SYNE2: variants seen among roughly 807,000 people sequenced by gnomAD.
SYNE2 encodes the protein spectrin repeat containing nuclear envelope protein 2, also known as nesprin-2.
Under a neutral mutation model 856.3 loss-of-function variants are expected in SYNE2, and 431 were observed. The ratio of observed to expected loss-of-function variants is 0.50; its 90% CI spans 0.47 to 0.55. The LOEUF is 0.55. SYNE2 is among the 20% of genes least tolerant of loss of function. The probability of loss-of-function intolerance (pLI) is 0.00; values close to 1 mark genes in which losing one functional copy is unlikely to be tolerated. For synonymous variants in SYNE2, 2,923 were observed against 2,872.3 expected, an observed-to-expected ratio of 1.02 and a Z score of -0.56; for missense variants, 8,129 against 8,023.2, an observed-to-expected ratio of 1.01 and a Z score of -0.50.
Position 64,158,775 on chromosome 14 carries a change from T to C in SYNE2, c.15943T>C (p.Cys5315Arg). 6.2e-7 allele frequency: 1 copy of C among 1,613,958 alleles called. No homozygotes were observed. The highest frequency in any genetic ancestry group is 8.5e-7 in the Non-Finnish European group (1 of 1,179,866). ...PVVLSLETLR[C>R]QVENLQSLQD... ...GGTGTTATCATTGGAGACCTTGAGA[T>C]GCCAGGTGGAGAACCTTCAGGTAAA... The change falls in exon 86 of 116, where the codon TGC becomes CGC. Residue 5315 changes from cysteine to arginine, a missense_variant. Coordinates refer to ENST00000555002, the MANE Select transcript of SYNE2 (RefSeq NM_182914.3).
At chr14:64,216,659 C>T (rs1455976079) in intron 108 of SYNE2, among the ~76,000 whole-genome samples, 1 of 152,196 alleles carries the variant, frequency 6.6e-6, no homozygotes, top group Non-Finnish European at 1.5e-5. Context: ...AGTCAGGTGT[C>T]TGTGCAAATA....
At chr14:63,968,621 T>C (rs537061163) in intron 11 of SYNE2, among the ~76,000 whole-genome samples, 9 of 152,314 alleles carry the variant, frequency 5.9e-5, no homozygotes, top group African/African-American at 2.2e-4. Context: ...CATAACTTTG[T>C]GCACTTGAAA....
At chr14:64,117,911 A>T (rs2097864057) in intron 66 of SYNE2, among the ~76,000 whole-genome samples, 1 of 152,184 alleles carries the variant, frequency 6.6e-6, no homozygotes. Context: ...CAATTTTATC[A>T]CGCTACTCAG....
chr14:64,026,884 C>T (rs2096984380), intron 42 of SYNE2, among the ~76,000 whole-genome samples, 154 bp downstream of exon 42: 2 of 152,132 alleles, frequency 1.3e-5, no homozygotes, highest in Non-Finnish European at 1.5e-5. Flanking sequence ...AGACAGAAAC[C>T]AAAACCAGAT....
intron 1 of SYNE2, among the ~76,000 whole-genome samples, chr14:63,819,927 T>C (rs907631296): frequency 2.0e-5 from 3 of 152,108 alleles, no homozygotes; most frequent in Admixed American, 2.0e-4. Context: ...CATCAAAACA[T>C]ATAAAATGCT....
Position 64,106,517 on chromosome 14 carries a change from C to T in SYNE2, c.12493-974C>T, listed in dbSNP as rs1030181281. 1.6e-4 allele frequency among the ~76,000 whole-genome samples: 24 copies of T among 152,076 alleles called. 1 individual carries two copies. Among genetic ancestry groups the T allele is most frequent in the African/African-American group, 4.8e-4 (20 of 41,400 alleles). ...ACAAAAAATTAGCTGGGCGTGGTGG[C>T]GGGTGCCTGTAGTCCCAGCTACTCG... On this transcript the variant is annotated intron_variant, in intron 64 of 115. Coordinates refer to ENST00000555002, the MANE Select transcript of SYNE2 (RefSeq NM_182914.3).
chr14:63,948,780 GTGTA>G (rs1337545092), intron 6 of SYNE2, among the ~76,000 whole-genome samples: 2,422 of 81,656 alleles, frequency 0.03, 42 homozygotes, highest in East Asian at 0.056. Flanking sequence ...GTATGTGTGT[GTGTA>G]TATATATATA....
chr14:63,943,512 C>T (rs963668585), intron 6 of SYNE2, among the ~76,000 whole-genome samples: 5 of 151,622 alleles, frequency 3.3e-5, no homozygotes, highest in East Asian at 3.9e-4. Flanking sequence ...TTTCTGGATA[C>T]GTGCATTTGT....
intron 35 of SYNE2, among the ~76,000 whole-genome samples, chr14:64,020,395 C>T (rs1234952944): frequency 6.6e-6 from 1 of 152,104 alleles, no homozygotes; most frequent in African/African-American, 2.4e-5. Flanking sequence ...GCCCTATGGC[C>T]TCTAAAATAA....
chr14:64,216,334 A>G lies in SYNE2; in HGVS notation c.19489A>G (p.Arg6497Gly), dbSNP rs532335849. 5.6e-6 allele frequency: 9 copies of G among 1,614,222 alleles called. No individual in the cohort carries two copies. In the South Asian group the frequency reaches 6.6e-5, roughly 12 times the overall value. ...EHHYKQMEGD[R>G]NVPPVPPASS... ...TCACTACAAGCAAATGGAAGGTGAC[A>G]GGAATGTTCCACCTGTTCCCCCTGC... is the stretch of plus-strand genomic sequence containing the variant. Residue 6497 changes from arginine to glycine, a missense_variant, in exon 108 of 116, where the codon AGG becomes GGG. Coordinates refer to ENST00000555002, the MANE Select transcript of SYNE2 (RefSeq NM_182914.3).
intron 1 of SYNE2, among the ~76,000 whole-genome samples, chr14:63,892,725 CTTTCT>C (rs1338710513): frequency 8.2e-5 from 8 of 97,460 alleles, no homozygotes; most frequent in African/African-American, 1.3e-4. Flanking sequence ...CCTTGGTGTA[CTTTCT>C]TTTTTTTTTT....
At chr14:63,829,528 A>G (rs962811596) in intron 1 of SYNE2, among the ~76,000 whole-genome samples, 4 of 151,926 alleles carry the variant, frequency 2.6e-5, no homozygotes, top group South Asian at 2.1e-4. Context: ...CACATACTCA[A>G]GATGAATGAT....
At chr14:64,011,304 G>C (rs1010076906) in intron 32 of SYNE2, among the ~76,000 whole-genome samples, 1 of 152,208 alleles carries the variant, frequency 6.6e-6, no homozygotes, top group African/African-American at 2.4e-5. Context: ...ACCATGAGCA[G>C]ATAGTCACAG....
At chr14:64,017,386 A>G (rs1431053573) in intron 33 of SYNE2, among the ~76,000 whole-genome samples, 2 of 151,270 alleles carry the variant, frequency 1.3e-5, no homozygotes, top group Non-Finnish European at 2.9e-5. Flanking sequence ...TCAATTGCAT[A>G]TAAGCTACAG....
At chr14:64,152,134 A>G (rs113724349) in intron 84 of SYNE2, among the ~76,000 whole-genome samples, 1 of 152,360 alleles carries the variant, frequency 6.6e-6, no homozygotes, top group East Asian at 1.9e-4. Context: ...TCTGTCATTT[A>G]TATGATGCTA....
chr14:64,115,100 G>A lies in SYNE2; in HGVS notation c.12840+1529G>A, dbSNP rs1297248140. ...GTCCCACCCACTTAAGGCCATTCAG[G>A]ATTGATTTGCCAACTGATTATCTAC... is the stretch of plus-strand genomic sequence containing the variant. On this transcript the variant is annotated intron_variant, in intron 66 of 115. Coordinates refer to ENST00000555002, the MANE Select transcript of SYNE2 (RefSeq NM_182914.3). Among the ~76,000 whole-genome samples, 100 of 152,186 alleles carry A rather than the reference G, an allele frequency of 6.6e-4. 1 individual carries two copies. The highest frequency in any genetic ancestry group is 7.3e-5 in the Non-Finnish European group (5 of 68,034).
At chr14:63,957,614 G>A (rs1425499298) in intron 8 of SYNE2, among the ~76,000 whole-genome samples, 5 of 151,898 alleles carry the variant, frequency 3.3e-5, no homozygotes, top group Middle Eastern at 6.8e-3. Context: ...TGTAGCTCAT[G>A]CCCCAGCACT....
chr14:63,803,451 G>A (rs1888237271), intron 1 of SYNE2, among the ~76,000 whole-genome samples: 1 of 152,226 alleles, frequency 6.6e-6, no homozygotes, highest in Non-Finnish European at 1.5e-5. Context: ...CGAGCGCAGT[G>A]CCGGTGGGCT....
chr14:63,815,124 CCACATATATATCCATATATATA>C lies in SYNE2; in HGVS notation c.-304-37355_-304-37334del, dbSNP rs1386761216. Among the ~76,000 whole-genome samples the C allele has an allele frequency of 9.6e-5, 9 of 93,750 alleles. 1 individual carries two copies. The highest frequency in any genetic ancestry group is 2.1e-4 in the African/African-American group (6 of 29,238). 61.5% of individuals were successfully genotyped at this position (93,750 alleles called of 152,430 possible). On this transcript the variant is annotated intron_variant, in intron 1 of 23. Coordinates refer to the SYNE2 transcript ENST00000674003. ...TATCCACACATATATCCATATATAT[CCACATATATATCCATATATATA>C]CACATATATATCCATATATATCCAC...
Sources: gnomAD v4.1 joint callset for allele counts (sites outside exome capture counted in the v4.1 genomes callset) on GRCh38, gnomAD v4.1.1 for gene constraint, MANE v1.5 for transcripts, NCBI Gene and HGNC (gene_info 2026-07-23, HGNC 2026-07-21) for gene names.